The following TTC16 variants were observed in gnomAD, a reference collection of about 807,000 sequenced individuals.
TTC16 encodes tetratricopeptide repeat domain 16.
A neutral mutation model predicts 80.4 loss-of-function variants in TTC16; 66 were observed. The ratio of observed to expected loss-of-function variants is 0.82; its 90% CI spans 0.67 to 1.01. The LOEUF (loss-of-function observed/expected upper bound fraction) is 1.01, where lower values mean the gene tolerates loss of function less well. TTC16 is among the 50% of genes least tolerant of loss of function. The pLI is 0.00. For missense variants in TTC16, 1,070 were observed against 1,103.2 expected (o/e 0.97, Z 0.43); for synonymous variants, 438 against 451.3 (o/e 0.97, Z 0.37).
intron 11 of TTC16, 34 bp downstream of exon 11, chr9:127,727,146 T>C: frequency 6.5e-7 from 1 of 1,545,294 alleles, no homozygotes; most frequent in Non-Finnish European, 8.7e-7. Flanking sequence ...AGGCCAGGGC[T>C]GGGGAATGGC....
In TTC16 at chr9:127,729,652, A is replaced by C; in HGVS notation, c.1836A>C (p.Ser612=). ...LSDSYLDQTS[S]ASSMSFRTTG... ...ACAGCTACCTTGACCAGACCTCTTC[A>C]GCCTCCAGCATGAGCTGTAAGTCCC... Residue 612 remains serine, a synonymous_variant, in exon 13 of 14, where the codon TCA becomes TCC. Coordinates refer to ENST00000373289, the MANE Select transcript of TTC16 (RefSeq NM_144965.3). 6.2e-7 allele frequency: 1 copy of C among 1,613,606 alleles called. No individual in the cohort carries two copies. Among genetic ancestry groups the C allele is most frequent in the South Asian group, 1.1e-5 (1 of 91,090 alleles).
intron 9 of TTC16, 110 bp downstream of exon 9, chr9:127,725,007 GC>G: frequency 1.5e-6 from 2 of 1,322,604 alleles, no homozygotes; most frequent in Non-Finnish European, 2.0e-6. Flanking sequence ...CTCCTCGGGG[GC>G]GATGGCTCAT....
Position 127,724,808 on chromosome 9 carries a change from G to A in TTC16, c.1170G>A (p.Gln390=). 1 of 1,609,442 alleles carries A rather than the reference G, an allele frequency of 6.2e-7. No homozygotes were observed. Residue 390 remains glutamine, a synonymous_variant, in exon 9 of 14, where the codon CAG becomes CAA. Coordinates refer to ENST00000373289, the MANE Select transcript of TTC16 (RefSeq NM_144965.3). ...NLAFAEADYQ[Q]ALALSPQDEG... ...CCTTTGCCGAGGCGGACTACCAGCA[G>A]GCGCTGGCGCTGAGCCCTCAGGACG...
chr9:127,717,276 G>C, intron 2 of TTC16, 58 bp from the exon 3 acceptor site: 1 of 1,554,926 alleles, frequency 6.4e-7, no homozygotes, highest in Admixed American at 1.7e-5. Context: ...CCAGCCCTAT[G>C]CCCTGGGCTG....
At chr9:127,716,782 G>C in intron 1 of TTC16, 62 bp from the exon 2 acceptor site, 1 of 1,552,654 alleles carries the variant, frequency 6.4e-7, no homozygotes, top group Non-Finnish European at 8.7e-7. Context: ...ATGCTGGGGA[G>C]TGTGTCAGTG....
chr9:127,724,880 C>G lies in TTC16; in HGVS notation c.1242C>G (p.Phe414Leu). 6.4e-7 allele frequency: 1 copy of G among 1,560,276 alleles called. No homozygotes were observed. The highest frequency in any genetic ancestry group is 8.7e-7 in the Non-Finnish European group (1 of 1,155,892). The part of the protein sequence containing the change: ...RMGLLQEKMG[F>L]CEQRRKQFQK... ...GCCTGCTGCAGGAGAAGATGGGCTT[C>G]TGCGAGCAGAGGCGCAAGTGCGTGG... The change falls in exon 9 of 14, where the codon TTC (phenylalanine) becomes TTG (leucine). Residue 414 changes from phenylalanine (F) to leucine (L), a missense_variant. Physicochemically the swap from Phe to Leu is conservative, Grantham distance 22. Coordinates refer to ENST00000373289, the MANE Select transcript of TTC16 (RefSeq NM_144965.3).
At position 127,723,312 on chromosome 9, in the gene TTC16, A is replaced by G; in HGVS notation, c.851A>G (p.Asp284Gly). 1 of 1,612,588 alleles carries G rather than the reference A, an allele frequency of 6.2e-7. No individual in the cohort carries two copies. Among genetic ancestry groups the G allele is most frequent in the East Asian group, 2.2e-5 (1 of 44,864 alleles). ...CGTGCCATCGAGAACAACCCTCTGG[A>G]CCCCAGTCTCTTCCTCTTCCGGTAC... ...INRAIENNPL[D>G]PSLFLFRGTM... The change falls in exon 7 of 14, where the codon GAC becomes GGC. Residue 284 changes from aspartate to glycine, a missense_variant. Asp to Gly is a moderately conservative substitution (Grantham distance 94). Coordinates refer to ENST00000373289, the MANE Select transcript of TTC16 (RefSeq NM_144965.3).
intron 6 of TTC16, among the ~76,000 whole-genome samples, chr9:127,720,599 G>A (rs1352305515): frequency 1.3e-5 from 2 of 152,058 alleles, no homozygotes; most frequent in East Asian, 3.9e-4. Context: ...CTGTTGCTCA[G>A]CCCTGGCTCT....
At chr9:127,724,651 T>G in intron 8 of TTC16, 105 bp from the exon 9 acceptor site, 2 of 1,449,450 alleles carry the variant, frequency 1.4e-6, no homozygotes, top group Non-Finnish European at 1.8e-6. Flanking sequence ...CGGGGGGTTA[T>G]CAGCCACCAG....
chr9:127,719,684 G>C (rs910204543), intron 4 of TTC16, among the ~76,000 whole-genome samples: 6 of 152,110 alleles, frequency 3.9e-5, no homozygotes, highest in Admixed American at 2.0e-4. Context: ...GTAGAGATGG[G>C]GTTTCACCAT....
chr9:127,727,417 G>C lies in TTC16; in HGVS notation c.1716G>C (p.Glu572Asp). 6.2e-7 allele frequency: 1 copy of C among 1,609,434 alleles called. No homozygotes were observed. Residue 572 changes from glutamate (E) to aspartate (D), a missense_variant, in exon 12 of 14, where the codon GAG becomes GAC. Coordinates refer to ENST00000373289, the MANE Select transcript of TTC16 (RefSeq NM_144965.3). ...PQVKPGSSEGEAEAPEEEEEK... is the reference protein window; with the variant it reads ...PQVKPGSSEGDAEAPEEEEEK... ...TAAAACCGGGAAGCTCAGAGGGAGA[G>C]GCTGAGGCCCCTGAGGAGGAGGAAG...
Position 127,730,400 on chromosome 9 carries a change from A to G in TTC16, c.1853-236A>G, listed in dbSNP as rs998230782. ...GCACAGAGGGCAGGGGCAGCCACAG[A>G]GCAGAGGCCTGGGACTGGGAGAAGG... On this transcript the variant is annotated intron_variant, in intron 13 of 13. Transcript: ENST00000373289. 5.0e-6 allele frequency: 3 copies of G among 598,566 alleles called. No individual in the cohort carries two copies. The African/African-American group carries it at 5.6e-5, about 11-fold the overall frequency. 37.1% of individuals were successfully genotyped at this position (598,566 alleles called of 1,614,324 possible). A position where few individuals can be genotyped will look rare whatever the true frequency, so the allele number is the denominator to read the frequency against.
chr9:127,725,895 C>T (rs1306793538), intron 9 of TTC16, among the ~76,000 whole-genome samples: 2 of 152,130 alleles, frequency 1.3e-5, no homozygotes, highest in African/African-American at 2.4e-5. Flanking sequence ...CCACCATGCC[C>T]GGCCTATACT....
At chr9:127,724,614 G>C (rs892423750) in intron 8 of TTC16, 142 bp from the exon 9 acceptor site, 6 of 1,260,756 alleles carry the variant, frequency 4.8e-6, no homozygotes, top group Middle Eastern at 2.2e-4. Context: ...CAGACGCCCA[G>C]AAAACTAGAG....
At chr9:127,723,905 C>CAAA (rs11410543) in intron 7 of TTC16, among the ~76,000 whole-genome samples, 157 of 146,218 alleles carry the variant, frequency 1.1e-3, no homozygotes, top group African/African-American at 3.6e-3. Context: ...GGTATTTTTG[C>CAAA]AAAAAAAAAA....
intron 3 of TTC16, 76 bp downstream of exon 3, chr9:127,717,500 C>T (rs531830071): frequency 2.5e-4 from 400 of 1,576,382 alleles, no homozygotes; most frequent in African/African-American, 2.2e-3. Context: ...CTGCCAGATC[C>T]CTCCTCTCAG....
At position 127,727,465 on chromosome 9, in the gene TTC16, G is replaced by A; in HGVS notation, c.1764G>A (p.Glu588=). 1 of 1,562,794 alleles carries A rather than the reference G, an allele frequency of 6.4e-7. No homozygotes were observed. The highest frequency in any genetic ancestry group is 8.7e-7 in the Non-Finnish European group (1 of 1,153,446). ...AAGAAAAGGAGAAGGAGAAAAAAGA[G>A]GTAAGTGGAGTACAGGCCAGGGCTC... ...EEEEKEKEKK[E]EKKSELIPSK... The change falls in exon 12 of 14, where the codon GAG becomes GAA. Residue 588 remains glutamate, a splice_region_variant and synonymous_variant. Transcript: ENST00000373289.
In TTC16 at chr9:127,724,858, T is replaced by C. The variant is rs1843800306; in HGVS notation, c.1220T>C (p.Leu407Pro). ...GAGGGCGCCAACACGCGCATGGGCC[T>C]GCTGCAGGAGAAGATGGGCTTCTGC... ...QDEGANTRMG[L>P]LQEKMGFCEQ... Residue 407 changes from leucine to proline, a missense_variant, in exon 9 of 14, where the codon CTG (leucine) becomes CCG (proline). Coordinates refer to ENST00000373289, the MANE Select transcript of TTC16 (RefSeq NM_144965.3). 6.3e-7 allele frequency: 1 copy of C among 1,583,382 alleles called. No homozygotes were observed. The highest frequency in any genetic ancestry group is 1.1e-5 in the South Asian group (1 of 87,650).
chr9:127,730,763 C>A lies in TTC16; in HGVS notation c.1980C>A (p.Asn660Lys), dbSNP rs1463869740. 1 of 1,613,614 alleles carries A rather than the reference C, an allele frequency of 6.2e-7. No individual in the cohort carries two copies. Among genetic ancestry groups the A allele is most frequent in the African/African-American group, 1.3e-5 (1 of 74,950 alleles). The change falls in exon 14 of 14, where the codon AAC (asparagine) becomes AAA (lysine). Residue 660 changes from asparagine (N) to lysine (K), a missense_variant. By Grantham distance (94) the Asn-to-Lys change is moderately conservative. Coordinates refer to ENST00000373289, the MANE Select transcript of TTC16 (RefSeq NM_144965.3). The part of the protein sequence containing the change: ...LLKTQSSDSG[N>K]NREALSHGPR... ...AGACGCAATCCTCGGACTCTGGGAA[C>A]AACAGGGAGGCACTAAGCCATGGTC...
Sources: allele counts gnomAD v4.1 joint callset (sites outside exome capture counted in the v4.1 genomes callset), GRCh38; gene constraint gnomAD v4.1.1; transcripts MANE v1.5; gene names NCBI Gene and HGNC (gene_info 2026-07-23, HGNC 2026-07-21).